DNAJC15: variants seen among roughly 807,000 people sequenced by gnomAD.
The protein encoded by DNAJC15 is DnaJ heat shock protein family (Hsp40) member C15, also known as dnaJ homolog subfamily C member 15.
Under a neutral mutation model 22.4 loss-of-function variants are expected in DNAJC15, and 27 were observed. That is an observed-to-expected ratio of 1.20 (90% CI 0.89 to 1.66). The LOEUF is 1.66. DNAJC15 is among the 40% of genes most tolerant of loss of function. The probability of loss-of-function intolerance (pLI) is 0.00; values close to 1 mark genes in which losing one functional copy is unlikely to be tolerated. For missense variants in DNAJC15, 208 were observed against 187.1 expected, an observed-to-expected ratio of 1.11 and a Z score of -0.65; for synonymous variants, 79 against 63.2, an observed-to-expected ratio of 1.25 and a Z score of -1.19.
intron 4 of DNAJC15, among the ~76,000 whole-genome samples, chr13:43,082,208 C>T (rs1438821325): frequency 6.6e-6 from 1 of 151,844 alleles, no homozygotes; most frequent in Non-Finnish European, 1.5e-5. Context: ...GAAACCAAAA[C>T]TGCTCCATTT....
intron 4 of DNAJC15, among the ~76,000 whole-genome samples, chr13:43,084,136 T>G (rs1051663488): frequency 6.6e-6 from 1 of 152,072 alleles, no homozygotes; most frequent in Admixed American, 6.5e-5. Flanking sequence ...CTAGGTCCAT[T>G]TAGTAGGAGG....
chr13:43,051,853 T>TA (rs2040505965), intron 1 of DNAJC15, among the ~76,000 whole-genome samples: 1 of 152,212 alleles, frequency 6.6e-6, no homozygotes, highest in Admixed American at 6.5e-5. Flanking sequence ...TTTAGTTCTT[T>TA]AAGGAATCTT....
intron 1 of DNAJC15, among the ~76,000 whole-genome samples, chr13:43,044,659 C>G (rs564966399): frequency 9.9e-5 from 15 of 152,132 alleles, no homozygotes; most frequent in East Asian, 7.7e-4. Context: ...TTTACCTGGT[C>G]CAGGGTATTT....
chr13:43,099,972 C>G (rs2040759328), intron 5 of DNAJC15, among the ~76,000 whole-genome samples: 1 of 151,858 alleles, frequency 6.6e-6, no homozygotes, highest in African/African-American at 2.4e-5. Flanking sequence ...GAAATGTTCT[C>G]TTTCTCTCTT....
chr13:43,108,702 A>G lies in DNAJC15; in HGVS notation c.*1454A>G, dbSNP rs2040810413. The G allele has an allele frequency of 6.6e-6, 1 of 152,138 alleles. No individual in the cohort carries two copies. Among genetic ancestry groups the G allele is most frequent in the South Asian group, 2.1e-4 (1 of 4,822 alleles). 9.4% of individuals were successfully genotyped at this position (152,138 alleles called of 1,614,324 possible). The stretch of plus-strand genomic sequence containing the variant: ...ATCCCTGACCTGTTATCTACTAAAG[A>G]CTAGTCGTTTCTCATCAGTTGTGAC... On this transcript the variant is annotated 3_prime_UTR_variant, in exon 6 of 6. Coordinates refer to ENST00000379221, the MANE Select transcript of DNAJC15 (RefSeq NM_013238.3).
intron 3 of DNAJC15, among the ~76,000 whole-genome samples, chr13:43,072,062 T>C (rs2040611727): frequency 6.6e-6 from 1 of 152,228 alleles, no homozygotes; most frequent in South Asian, 2.1e-4. Flanking sequence ...AACTCCCGCA[T>C]TCCTGCATAC....
intron 4 of DNAJC15, among the ~76,000 whole-genome samples, chr13:43,084,122 C>CAT (rs1183912441): frequency 5.3e-5 from 8 of 152,144 alleles, no homozygotes; most frequent in African/African-American, 1.9e-4. Flanking sequence ...AAATGAATAA[C>CAT]ATTCTAGGTC....
chr13:43,078,915 A>T, intron 4 of DNAJC15: 1 of 322,252 alleles, frequency 3.1e-6, no homozygotes, highest in Non-Finnish European at 5.8e-6. Context: ...AAGTACCTTT[A>T]TTCTTTAACA....
chr13:43,056,772 T>C (rs548816328), intron 1 of DNAJC15, among the ~76,000 whole-genome samples: 1 of 152,336 alleles, frequency 6.6e-6, no homozygotes, highest in South Asian at 2.1e-4. Context: ...TGTCCCTCTT[T>C]GTGTTTTTTA....
At chr13:43,095,413 T>G (rs1260115493) in intron 5 of DNAJC15, among the ~76,000 whole-genome samples, 1 of 152,096 alleles carries the variant, frequency 6.6e-6, no homozygotes, top group Non-Finnish European at 1.5e-5. Flanking sequence ...AGAAATACTG[T>G]GTTGATGTTA....
intron 1 of DNAJC15, among the ~76,000 whole-genome samples, chr13:43,062,309 A>G (rs756764364): frequency 1.1e-4 from 16 of 152,196 alleles, no homozygotes; most frequent in Admixed American, 3.9e-4. Flanking sequence ...AGAAATGGGG[A>G]ATAAATTATG....
chr13:43,063,463 G>C (rs1593318878), intron 1 of DNAJC15, among the ~76,000 whole-genome samples: 1 of 152,104 alleles, frequency 6.6e-6, no homozygotes, highest in South Asian at 2.1e-4. Context: ...ATGCATCACT[G>C]TACAAAACAA....
At chr13:43,046,173 T>C (rs2040476269) in intron 1 of DNAJC15, among the ~76,000 whole-genome samples, 1 of 151,810 alleles carries the variant, frequency 6.6e-6, no homozygotes, top group Admixed American at 6.6e-5. Flanking sequence ...TTTTTTTTTG[T>C]AAGGAAATTT....
chr13:43,024,705 A>T (rs1445606471), intron 1 of DNAJC15, among the ~76,000 whole-genome samples: 1 of 151,726 alleles, frequency 6.6e-6, no homozygotes, highest in South Asian at 2.1e-4. Context: ...GTTTGATTTT[A>T]ACCATGTATT....
At chr13:43,060,950 T>C (rs2040555950) in intron 1 of DNAJC15, among the ~76,000 whole-genome samples, 1 of 152,152 alleles carries the variant, frequency 6.6e-6, no homozygotes, top group Non-Finnish European at 1.5e-5. Context: ...GTAAAGTCAA[T>C]TTGCCAGTCC....
chr13:43,040,668 C>T (rs1322498114), intron 1 of DNAJC15, among the ~76,000 whole-genome samples: 2 of 151,790 alleles, frequency 1.3e-5, no homozygotes, highest in Admixed American at 6.6e-5. Context: ...AGGGGACCAG[C>T]GTTCAGCATA....
At chr13:43,062,466 G>T (rs1004332809) in intron 1 of DNAJC15, among the ~76,000 whole-genome samples, 3 of 152,176 alleles carry the variant, frequency 2.0e-5, no homozygotes, top group African/African-American at 7.2e-5. Flanking sequence ...ACTAGAAAAT[G>T]GGTCTAGGGG....
At chr13:43,059,616 C>A (rs768243700) in intron 1 of DNAJC15, among the ~76,000 whole-genome samples, 1 of 152,206 alleles carries the variant, frequency 6.6e-6, no homozygotes, top group African/African-American at 2.4e-5. Flanking sequence ...AGCTGAAGGA[C>A]TTCAGGAAAA....
chr13:43,077,129 C>T (rs765705160), intron 3 of DNAJC15, among the ~76,000 whole-genome samples: 2 of 152,200 alleles, frequency 1.3e-5, no homozygotes, highest in Non-Finnish European at 2.9e-5. Context: ...GTCAGACATT[C>T]TCCACTTGGA....
Sources: gnomAD v4.1 joint callset for allele counts (sites outside exome capture counted in the v4.1 genomes callset) on GRCh38, gnomAD v4.1.1 for gene constraint, MANE v1.5 for transcripts, NCBI Gene and HGNC (gene_info 2026-07-23, HGNC 2026-07-21) for gene names.